IL1RAPL1: variants seen among roughly 807,000 people sequenced by gnomAD.
IL1RAPL1 encodes the protein interleukin-1 receptor accessory protein-like 1.
IL1RAPL1 carries 3 observed loss-of-function variants against 48.4 expected under a neutral mutation model. The ratio of observed to expected loss-of-function variants is 0.06; its 90% confidence interval spans 0.03 to 0.16. The LOEUF (loss-of-function observed/expected upper bound fraction) is 0.16. Ranked by LOEUF, IL1RAPL1 falls within the 10% of genes least tolerant of loss-of-function variation. The pLI, the probability that IL1RAPL1 is intolerant of heterozygous loss-of-function variation, is 1.00. For synonymous variants in IL1RAPL1, 185 were observed against 187.7 expected, an observed-to-expected ratio of 0.99 and a Z score of 0.12; for missense variants, 349 against 530.6, an observed-to-expected ratio of 0.66 and a Z score of 3.36.
intron 1 of IL1RAPL1, among the ~76,000 whole-genome samples, chrX:28,696,268 C>T (rs998889748): frequency 5.4e-5 from 6 of 110,906 alleles, no homozygotes; most frequent in Non-Finnish European, 9.5e-5. Flanking sequence ...CATTTTTCCT[C>T]CCTATGTTCT....
chrX:28,998,862 G>A (rs1037032814), intron 2 of IL1RAPL1, among the ~76,000 whole-genome samples: 1 of 111,882 alleles, frequency 8.9e-6, no homozygotes, highest in African/African-American at 3.2e-5. Context: ...TTTCAACAGC[G>A]GAGTATAAAC....
intron 1 of IL1RAPL1, among the ~76,000 whole-genome samples, chrX:28,669,421 C>A (rs1934921652): frequency 9.2e-6 from 1 of 109,203 alleles, no homozygotes; most frequent in African/African-American, 3.3e-5. Flanking sequence ...GAGTTCAAGA[C>A]CAGACTGGCC....
At chrX:28,779,513 G>A (rs1276502150) in intron 1 of IL1RAPL1, among the ~76,000 whole-genome samples, 4 of 105,705 alleles carry the variant, frequency 3.8e-5, no homozygotes, top group Non-Finnish European at 5.8e-5. Flanking sequence ...AATCTAACCC[G>A]AATTAGTTTA....
intron 1 of IL1RAPL1, among the ~76,000 whole-genome samples, chrX:28,723,534 C>CA (rs1339307679): frequency 9.0e-6 from 1 of 111,409 alleles, no homozygotes; most frequent in African/African-American, 3.3e-5. Context: ...TTGCTCTTTT[C>CA]AAAAAAGCAG....
At chrX:29,809,168 G>T (rs748604157) in intron 6 of IL1RAPL1, among the ~76,000 whole-genome samples, 29 of 106,328 alleles carry the variant, frequency 2.7e-4, no homozygotes, top group African/African-American at 9.0e-4. Flanking sequence ...TGAAATCTCA[G>T]CTCACTGCAA....
At chrX:29,038,463 G>A (rs1330591080) in intron 2 of IL1RAPL1, among the ~76,000 whole-genome samples, 1 of 111,469 alleles carries the variant, frequency 9.0e-6, no homozygotes, top group Admixed American at 9.6e-5. Flanking sequence ...AAATGAGTAT[G>A]TGTTTATCCT....
intron 1 of IL1RAPL1, among the ~76,000 whole-genome samples, chrX:28,777,709 T>C (rs906167754): frequency 9.0e-6 from 1 of 111,305 alleles, no homozygotes. Context: ...TTGATAAAGC[T>C]AATTATTGTG....
chrX:28,834,605 A>T (rs762241057), intron 2 of IL1RAPL1, among the ~76,000 whole-genome samples: 1 of 111,358 alleles, frequency 9.0e-6, no homozygotes, highest in East Asian at 2.8e-4. Context: ...GTCTAATAAT[A>T]ATAGTAATTA....
At chrX:29,249,996 C>G (rs1347273538) in intron 2 of IL1RAPL1, among the ~76,000 whole-genome samples, 2 of 111,936 alleles carry the variant, frequency 1.8e-5, no homozygotes, top group African/African-American at 6.5e-5. Context: ...AAATTTTACA[C>G]ATCATTTTAT....
intron 6 of IL1RAPL1, among the ~76,000 whole-genome samples, chrX:29,799,183 A>G (rs1197165375): frequency 8.9e-6 from 1 of 112,594 alleles, no homozygotes; most frequent in Admixed American, 9.4e-5. Context: ...AAAAGTCAAT[A>G]CAAATGAAAC....
chrX:29,025,010 G>A (rs1926453456), intron 2 of IL1RAPL1, among the ~76,000 whole-genome samples: 2 of 111,024 alleles, frequency 1.8e-5, no homozygotes, highest in Non-Finnish European at 3.8e-5. Flanking sequence ...TCCAGTTTCT[G>A]TTTCTATAGG....
intron 5 of IL1RAPL1, among the ~76,000 whole-genome samples, chrX:29,611,439 C>T (rs1261533770): frequency 9.0e-6 from 1 of 111,492 alleles, no homozygotes; most frequent in East Asian, 2.8e-4. Flanking sequence ...TGAGTTGTGC[C>T]ACCTTTCTGT....
chrX:29,144,667 T>A (rs1264161780), intron 2 of IL1RAPL1, among the ~76,000 whole-genome samples: 1 of 107,573 alleles, frequency 9.3e-6, no homozygotes, highest in Non-Finnish European at 1.9e-5. Flanking sequence ...TAATATAAAT[T>A]TTAATGATTA....
intron 5 of IL1RAPL1, among the ~76,000 whole-genome samples, chrX:29,465,713 C>T (rs941938685): frequency 4.5e-5 from 5 of 111,230 alleles, no homozygotes; most frequent in African/African-American, 1.6e-4. Context: ...TGTATTTCTT[C>T]TTTTAATTAG....
In IL1RAPL1 at chrX:28,628,506, C is replaced by G. The variant is rs181588676; in HGVS notation, c.-25+40459C>G. On this transcript the variant is annotated intron_variant, in intron 1 of 10. Coordinates refer to ENST00000378993, the MANE Select transcript of IL1RAPL1 (RefSeq NM_014271.4). ...ACAGGAAATATTGATCCATCATACT[C>G]TGAAGAAAATTGCAGCACAGAAAGG... Among the ~76,000 whole-genome samples, 47 of 112,257 alleles carry G rather than the reference C, an allele frequency of 4.2e-4. No individual in the cohort carries two copies. The East Asian group carries it at 0.012, about 28-fold the overall frequency.
chrX:29,280,781 G>GA (rs893370749), intron 2 of IL1RAPL1, among the ~76,000 whole-genome samples: 3 of 111,235 alleles, frequency 2.7e-5, no homozygotes, highest in African/African-American at 9.8e-5. Context: ...TAGGTCTTGT[G>GA]AAAAAAATAC....
At chrX:28,758,731 T>G (rs1347650782) in intron 1 of IL1RAPL1, among the ~76,000 whole-genome samples, 1 of 111,823 alleles carries the variant, frequency 8.9e-6, no homozygotes, top group Non-Finnish European at 1.9e-5. Context: ...TTTCTGGTGA[T>G]TTGTTACAAT....
chrX:29,228,332 A>AATGT (rs777963523), intron 2 of IL1RAPL1, among the ~76,000 whole-genome samples: 5,857 of 79,471 alleles, frequency 0.074, 381 homozygotes, highest in East Asian at 0.28. Flanking sequence ...AGTTTTGCCT[A>AATGT]GTGTGTGTGT....
At chrX:28,721,997 G>A (rs1403036229) in intron 1 of IL1RAPL1, among the ~76,000 whole-genome samples, 47 of 111,651 alleles carry the variant, frequency 4.2e-4, no homozygotes, top group African/African-American at 1.5e-3. Flanking sequence ...GGTTACTGTA[G>A]CCTTGTAGTA....
Sources: gnomAD v4.1 joint callset for allele counts (sites outside exome capture counted in the v4.1 genomes callset) on GRCh38, gnomAD v4.1.1 for gene constraint, MANE v1.5 for transcripts, NCBI Gene and HGNC (gene_info 2026-07-23, HGNC 2026-07-21) for gene names.